SCN8A: variants seen among roughly 807,000 people sequenced by gnomAD.
SCN8A encodes sodium voltage-gated channel alpha subunit 8.
In SCN8A, 30 loss-of-function variants were observed where a neutral mutation model predicts 184.1. The observed-to-expected ratio is 0.16, with a 90% CI of 0.12 to 0.22. SCN8A has a LOEUF of 0.22. Among genes scored for constraint, SCN8A ranks in the 10% least tolerant of loss-of-function variants. The probability of loss-of-function intolerance (pLI) is 1.00; values close to 1 mark genes in which losing one functional copy is unlikely to be tolerated. For missense variants in SCN8A, 1,057 were observed against 2,498.9 expected (o/e 0.42, Z 12.30); for synonymous variants, 852 against 907.0 (o/e 0.94, Z 1.09).
Position 51,806,506 on chromosome 12 carries a change from G to A in SCN8A, c.5020G>A (p.Ala1674Thr). 6.2e-7 allele frequency: 1 copy of A among 1,614,124 alleles called. No homozygotes were observed. Reference protein sequence around the residue: ...IFSIFGMSNFAYVKHEAGIDD... With the variant: ...IFSIFGMSNFTYVKHEAGIDD... Reference sequence around the variant, plus strand: ...CTCCATTTTTGGGATGTCCAATTTTGCATATGTGAAGCACGAGGCTGGTAT... The same window carrying A: ...CTCCATTTTTGGGATGTCCAATTTTACATATGTGAAGCACGAGGCTGGTAT... Residue 1674 changes from alanine (A) to threonine (T), a missense_variant, in exon 27 of 27, where the codon GCA becomes ACA. Ala to Thr is a moderately conservative substitution (Grantham distance 58). Around this residue, in one of 19 missense-constraint regions of SCN8A, gnomAD observed 19 missense variants for 41.6 expected, o/e 0.46. Coordinates refer to ENST00000627620, the MANE Select transcript of SCN8A (RefSeq NM_001330260.2). This position sits in a 1 kb window ranked among gnomAD's most constrained non-coding sequence, Gnocchi z 8.7.
At chr12:51,701,256 G>A in intron 8 of SCN8A, 49 bp downstream of exon 8, 1 of 1,247,432 alleles carries the variant, frequency 8.0e-7, no homozygotes, top group East Asian at 2.5e-5. Context: ...TAATGTACCT[G>A]TTATTAGTAG....
At chr12:51,676,737 T>C (rs892959373) in intron 2 of SCN8A, among the ~76,000 whole-genome samples, 9 of 152,228 alleles carry the variant, frequency 5.9e-5, no homozygotes, top group Non-Finnish European at 1.0e-4. Flanking sequence ...GTAATAGTTA[T>C]AGTCAGATAG....
chr12:51,601,947 A>T (rs1467476095), intron 1 of SCN8A, among the ~76,000 whole-genome samples: 1 of 150,264 alleles, frequency 6.7e-6, no homozygotes, highest in African/African-American at 2.5e-5. Flanking sequence ...TCATTCCCAG[A>T]GAGGAAGGAG....
At chr12:51,654,743 C>T (rs1180166432) in intron 1 of SCN8A, among the ~76,000 whole-genome samples, 1 of 152,048 alleles carries the variant, frequency 6.6e-6, no homozygotes, top group Non-Finnish European at 1.5e-5. Flanking sequence ...AACACCTGGC[C>T]TCAAGCAGTC....
intron 1 of SCN8A, among the ~76,000 whole-genome samples, chr12:51,630,119 T>C (rs1297300514): frequency 6.6e-6 from 1 of 152,204 alleles, no homozygotes; most frequent in Non-Finnish European, 1.5e-5. Context: ...ATATACATAA[T>C]ATAAAATTTA....
intron 12 of SCN8A, among the ~76,000 whole-genome samples, chr12:51,724,398 G>T (rs950084076): frequency 6.6e-6 from 1 of 152,162 alleles, no homozygotes; most frequent in African/African-American, 2.4e-5. Flanking sequence ...AATGAGCCAA[G>T]ATTGCGCCAT....
rs373053088 is a variant in SCN8A, at chr12:51,765,566, A to G, written c.2545-105A>G. On this transcript the variant is annotated intron_variant, in intron 15 of 26. Transcript: ENST00000627620. ...TGGGAATTTTCCAAGGGTGCTCAATATATTTAATCTGATCTTCCTAATTTT... is the reference window on the plus strand; with the variant it reads ...TGGGAATTTTCCAAGGGTGCTCAATGTATTTAATCTGATCTTCCTAATTTT... 4.7e-4 allele frequency: 340 copies of G among 716,714 alleles called. 1 individual carries two copies. Among genetic ancestry groups the G allele is most frequent in the African/African-American group, 3.7e-3 (208 of 56,126 alleles). The allele number at this position is 716,714 out of a possible 1,614,324, so 44.4% of individuals were successfully genotyped here.
intron 12 of SCN8A, among the ~76,000 whole-genome samples, chr12:51,734,561 A>G (rs1942293675): frequency 6.6e-6 from 1 of 152,236 alleles, no homozygotes; most frequent in African/African-American, 2.4e-5. Context: ...TGGGCGGGCC[A>G]GGTGTTCCTT....
intron 12 of SCN8A, among the ~76,000 whole-genome samples, chr12:51,727,235 G>T (rs558563196): frequency 3.1e-4 from 47 of 152,172 alleles, no homozygotes; most frequent in African/African-American, 9.9e-4. Context: ...AACTTCCAAA[G>T]AACTTACTTA....
At position 51,811,369 on chromosome 12, in the gene SCN8A, CACCTAATCCACCTGGCAG is replaced by C. The variant is rs1334726209; in HGVS notation, c.*3942_*3959del. 6.6e-6 allele frequency: 1 copy of C among 152,230 alleles called. No individual in the cohort carries two copies. Among genetic ancestry groups the C allele is most frequent in the Admixed American group, 6.5e-5 (1 of 15,280 alleles). The allele number at this position is 152,230 out of a possible 1,614,324, so 9.4% of individuals were successfully genotyped here. A position where few individuals can be genotyped will look rare whatever the true frequency, so the allele number is the denominator to read the frequency against. On this transcript the variant is annotated 3_prime_UTR_variant, in exon 27 of 27. Transcript: ENST00000627620. ...CTTAGAGGCCCATAAAACCTCTCTT[CACCTAATCCACCTGGCAG>C]AGCCCTCAGAGATGACGTCAGCCAA...
chr12:51,736,140 C>T lies in SCN8A; in HGVS notation c.1999-9763C>T, dbSNP rs553513358. 4.3e-3 allele frequency among the ~76,000 whole-genome samples: 648 copies of T among 152,280 alleles called. 6 individuals are homozygous for T. The highest frequency in any genetic ancestry group is 0.015 in the African/African-American group (624 of 41,560). On this transcript the variant is annotated intron_variant, in intron 12 of 26. Transcript: ENST00000627620. ...ATTCATTCTTTCCACTATGGCTTGT[C>T]CTTGAGAATTGTATGGGATACCAGT...
chr12:51,706,205 A>G (rs1406020936), intron 10 of SCN8A, among the ~76,000 whole-genome samples: 2 of 152,198 alleles, frequency 1.3e-5, no homozygotes, highest in African/African-American at 4.8e-5. Context: ...TGAAATGCTC[A>G]AGAGAATAAC....
At chr12:51,689,991 C>T (rs1283803446) in intron 6 of SCN8A, 1 of 151,924 alleles carries the variant, frequency 6.6e-6, no homozygotes, top group East Asian at 1.9e-4. Flanking sequence ...GTTCACAGAC[C>T]CCCCCCGAAG....
In SCN8A at chr12:51,762,585, A is replaced by G; in HGVS notation, c.2453A>G (p.Asn818Ser). 2 of 1,613,622 alleles carry G rather than the reference A, an allele frequency of 1.2e-6. No individual in the cohort carries two copies. The highest frequency in any genetic ancestry group is 1.7e-6 in the Non-Finnish European group (2 of 1,179,768). Residue 818 changes from asparagine to serine, a missense_variant, in exon 15 of 27, where the codon AAC (asparagine) becomes AGC (serine). Asn to Ser is a conservative substitution (Grantham distance 46, BLOSUM62 1). Transcript: ENST00000627620. ...TACTATTATTTCCAAGAAGGTTGGAACATTTTTGACGGATTTATTGTCTCC... is the reference window on the plus strand; with the variant it reads ...TACTATTATTTCCAAGAAGGTTGGAGCATTTTTGACGGATTTATTGTCTCC... ...DPYYYFQEGW[N>S]IFDGFIVSLS...
intron 2 of SCN8A, among the ~76,000 whole-genome samples, chr12:51,683,089 A>G (rs1343914432): frequency 3.9e-5 from 6 of 152,146 alleles, no homozygotes; most frequent in Admixed American, 3.9e-4. Flanking sequence ...AAGGGGAAAA[A>G]AATCTCTCCC....
chr12:51,711,371 T>C (rs1229581152), intron 11 of SCN8A, among the ~76,000 whole-genome samples: 1 of 152,234 alleles, frequency 6.6e-6, no homozygotes, highest in Non-Finnish European at 1.5e-5. Context: ...CAAGGCTGAC[T>C]GCCAAGAGTA....
intron 1 of SCN8A, among the ~76,000 whole-genome samples, chr12:51,644,603 A>T (rs1419514887): frequency 6.6e-6 from 1 of 151,554 alleles, no homozygotes; most frequent in Non-Finnish European, 1.5e-5. Flanking sequence ...ACCTCCCAGC[A>T]GCCTGCCTTG....
chr12:51,679,286 G>A (rs1384949689), intron 2 of SCN8A, among the ~76,000 whole-genome samples: 1 of 152,084 alleles, frequency 6.6e-6, no homozygotes, highest in Non-Finnish European at 1.5e-5. Flanking sequence ...CTAGTCAGAT[G>A]ATTCTTATGC....
chr12:51,737,825 T>C (rs1942352796), intron 12 of SCN8A, among the ~76,000 whole-genome samples: 1 of 152,240 alleles, frequency 6.6e-6, no homozygotes, highest in Non-Finnish European at 1.5e-5. Context: ...TTTAAATCTA[T>C]GACTGTTAAA....
Sources: allele counts gnomAD v4.1 joint callset (sites outside exome capture counted in the v4.1 genomes callset), GRCh38; gene constraint gnomAD v4.1.1; regional missense constraint gnomAD v4.1.1; non-coding constraint Gnocchi (gnomAD v3.1); transcripts MANE v1.5; gene names NCBI Gene and HGNC (gene_info 2026-07-23, HGNC 2026-07-21).